CEP83: variants seen among roughly 807,000 people sequenced by gnomAD.
The protein encoded by CEP83 is centrosomal protein 83, also known as centrosomal protein of 83 kDa.
A neutral mutation model predicts 101.9 loss-of-function variants in CEP83; 70 were observed. The observed-to-expected ratio is 0.69, with a 90% CI of 0.57 to 0.84. The LOEUF is 0.84. Ranked by LOEUF, CEP83 falls within the 40% of genes least tolerant of loss-of-function variation. CEP83 has a pLI of 0.00. For missense variants in CEP83, 715 were observed against 787.2 expected, an observed-to-expected ratio of 0.91 and a Z score of 1.10; for synonymous variants, 264 against 267.9, an observed-to-expected ratio of 0.99 and a Z score of 0.14.
At chr12:94,285,051 G>A in the CEP83 span, among the ~76,000 whole-genome samples, 2 of 152,192 alleles carry the variant, frequency 1.3e-5, no homozygotes, top group East Asian at 1.9e-4. Context: ...ATGCTCAGGA[G>A]GAGGACACCA....
intron 7 of CEP83, among the ~76,000 whole-genome samples, chr12:94,376,678 T>C (rs2061552697): frequency 7.6e-6 from 1 of 131,966 alleles, no homozygotes. Flanking sequence ...CAACATAATA[T>C]ATATACATAT....
intron 2 of CEP83, among the ~76,000 whole-genome samples, chr12:94,428,205 A>G (rs998662476): frequency 1.3e-5 from 2 of 152,222 alleles, no homozygotes; most frequent in African/African-American, 4.8e-5. Context: ...TAAATTACCA[A>G]AGTCTCTGAA....
At chr12:94,443,706 C>T (rs1243631351) in intron 1 of CEP83, among the ~76,000 whole-genome samples, 6 of 152,004 alleles carry the variant, frequency 3.9e-5, no homozygotes, top group Non-Finnish European at 7.4e-5. Flanking sequence ...AGGCTGGTCT[C>T]GAACTCCTGA....
chr12:94,319,868 C>A (rs1234664057), intron 14 of CEP83, among the ~76,000 whole-genome samples: 2 of 152,170 alleles, frequency 1.3e-5, no homozygotes, highest in Non-Finnish European at 2.9e-5. Flanking sequence ...TCTATCAGAT[C>A]TATCTGGTCC....
downstream of CEP83, among the ~76,000 whole-genome samples, chr12:94,302,000 G>T (rs1446333372): frequency 6.6e-6 from 1 of 152,092 alleles, no homozygotes; most frequent in Non-Finnish European, 1.5e-5. Flanking sequence ...TCCCTACTGG[G>T]ATAACTGCTT....
intron 1 of CEP83, among the ~76,000 whole-genome samples, chr12:94,439,967 A>G (rs2066278983): frequency 6.6e-6 from 1 of 152,172 alleles, no homozygotes; most frequent in South Asian, 2.1e-4. Flanking sequence ...ACGCAGAAAA[A>G]GCATGACAAA....
chr12:94,296,750 TCTC>T, the CEP83 span, among the ~76,000 whole-genome samples: 17 of 152,246 alleles, frequency 1.1e-4, no homozygotes, highest in Non-Finnish European at 2.4e-4. Context: ...AGCATATAAT[TCTC>T]CTTCATAACC....
intron 14 of CEP83, among the ~76,000 whole-genome samples, chr12:94,325,739 T>G (rs962824579): frequency 2.4e-4 from 36 of 151,868 alleles, no homozygotes; most frequent in African/African-American, 8.0e-4. Context: ...AAATATGGGG[T>G]GGGGGAAAAT....
chr12:94,290,243 G>A, the CEP83 span, among the ~76,000 whole-genome samples: 77 of 152,324 alleles, frequency 5.1e-4, 1 homozygote, highest in African/African-American at 1.8e-3. Context: ...CCAGCTCTTC[G>A]TGGGGAGGAA....
At chr12:94,452,023 A>C (rs554682603) in intron 1 of CEP83, among the ~76,000 whole-genome samples, 1 of 152,348 alleles carries the variant, frequency 6.6e-6, no homozygotes, top group Admixed American at 6.5e-5. Flanking sequence ...ACAATTAAAA[A>C]GAACAAAACA....
In CEP83 at chr12:94,325,567, T is replaced by C. The variant is rs146046772; in HGVS notation, c.1707+6133A>G. 7.9e-4 allele frequency among the ~76,000 whole-genome samples: 120 copies of C among 152,366 alleles called. 1 individual carries two copies. The East Asian group carries it at 0.022, about 28-fold the overall frequency. ...CTAACAAACTACAATGTAAACTCCA[T>C]GGTGCAGGGTCTTTGTTTACTTCTG... is the stretch of plus-strand genomic sequence containing the variant. On this transcript the variant is annotated intron_variant, in intron 14 of 16. Coordinates refer to ENST00000397809, the MANE Select transcript of CEP83 (RefSeq NM_016122.3).
chr12:94,297,068 G>A, the CEP83 span: 1 of 906,478 alleles, frequency 1.1e-6, no homozygotes, highest in Non-Finnish European at 1.8e-6. Context: ...GAGAGCTCAA[G>A]TCAAAAAGCT....
intron 2 of CEP83, among the ~76,000 whole-genome samples, chr12:94,419,675 GACACAGCCC>G (rs2064565313): frequency 1.3e-5 from 2 of 151,934 alleles, no homozygotes; most frequent in Non-Finnish European, 2.9e-5. Flanking sequence ...AATAAAACAG[GACACAGCCC>G]ATAAACTGAC....
the CEP83 span, among the ~76,000 whole-genome samples, chr12:94,300,569 T>TCAGACCATGACAGAG: frequency 7.9e-4 from 120 of 152,202 alleles, 1 homozygote; most frequent in East Asian, 0.022. Context: ...TCTGATTCTG[T>TCAGACCATGACAGAG]GTTGAGAGGA....
Position 94,375,851 on chromosome 12 carries a change from T to C in CEP83, c.933+35A>G, listed in dbSNP as rs368038914. ...TTTATCATTATATACTAACAAACATTCTAAAGAATGAAACAGAAACATAAA... is the reference window on the plus strand; with the variant it reads ...TTTATCATTATATACTAACAAACATCCTAAAGAATGAAACAGAAACATAAA... On this transcript the variant is annotated intron_variant, in intron 8 of 16. Transcript: ENST00000397809. 80 of 1,229,472 alleles carry C rather than the reference T, an allele frequency of 6.5e-5. No individual in the cohort carries two copies. The African/African-American group carries it at 1.2e-3, about 18-fold the overall frequency. The allele number at this position is 1,229,472 out of a possible 1,614,324, so 76.2% of individuals were successfully genotyped here. A position where few individuals can be genotyped will look rare whatever the true frequency, so the allele number is the denominator to read the frequency against.
chr12:94,345,623 G>A (rs1276586674), intron 11 of CEP83, among the ~76,000 whole-genome samples: 1 of 151,950 alleles, frequency 6.6e-6, no homozygotes, highest in African/African-American at 2.4e-5. Flanking sequence ...TTCTGTCTTG[G>A]AACTGGTCAT....
At chr12:94,292,973 G>A in the CEP83 span, among the ~76,000 whole-genome samples, 2 of 152,172 alleles carry the variant, frequency 1.3e-5, no homozygotes, top group African/African-American at 4.8e-5. Context: ...AAAAATAGAA[G>A]CCCTCTCCTG....
chr12:94,363,677 G>T (rs973934364), intron 11 of CEP83, among the ~76,000 whole-genome samples: 1 of 151,996 alleles, frequency 6.6e-6, no homozygotes, highest in Non-Finnish European at 1.5e-5. Context: ...GGGCAGGTGC[G>T]GTGGCTCACG....
chr12:94,424,550 G>A (rs2065034644), intron 2 of CEP83: 1 of 1,613,626 alleles, frequency 6.2e-7, no homozygotes, highest in Non-Finnish European at 8.5e-7. Context: ...TGGGAGGTTT[G>A]AGATGTATAA....
Sources: allele counts gnomAD v4.1 joint callset (sites outside exome capture counted in the v4.1 genomes callset), GRCh38; gene constraint gnomAD v4.1.1; transcripts MANE v1.5; gene names NCBI Gene and HGNC (gene_info 2026-07-23, HGNC 2026-07-21).